The following DPY19L2 variants were observed in gnomAD, a reference collection of about 807,000 sequenced individuals.
DPY19L2 encodes probable C-mannosyltransferase DPY19L2.
Under a neutral mutation model 97.9 loss-of-function variants are expected in DPY19L2, and 34 were observed. The observed-to-expected ratio is 0.35, with a 90% CI of 0.26 to 0.46. The LOEUF (loss-of-function observed/expected upper bound fraction) is 0.46, where lower values mean the gene tolerates loss of function less well. Among genes scored for constraint, DPY19L2 ranks in the 20% least tolerant of loss-of-function variants. The probability of loss-of-function intolerance (pLI) is 1.00; values close to 1 mark genes in which losing one functional copy is unlikely to be tolerated. For synonymous variants in DPY19L2, 230 were observed against 307.9 expected, an observed-to-expected ratio of 0.75 and a Z score of 2.65; for missense variants, 623 against 911.4, an observed-to-expected ratio of 0.68 and a Z score of 4.07.
intron 12 of DPY19L2, among the ~76,000 whole-genome samples, chr12:63,602,585 T>C (rs1301566547): frequency 3.3e-5 from 5 of 152,102 alleles, no homozygotes; most frequent in Non-Finnish European, 5.9e-5. Context: ...TCTGGTATGG[T>C]AAACTAACTC....
In DPY19L2 at chr12:63,668,157, G is replaced by C. The variant is rs749041153; in HGVS notation, c.237C>G (p.Leu79=). The C allele has an allele frequency of 1.9e-6, 3 of 1,613,890 alleles. No homozygotes were observed. The African/African-American group carries it at 4.0e-5, about 22-fold the overall frequency. Residue 79 remains leucine (L), a synonymous_variant, in exon 1 of 22, where the codon CTC becomes CTG. Transcript: ENST00000324472. The part of the protein sequence containing the change: ...ELEVVAKTFL[L]GPFQFVRNSL... ...AATTACGGACGAACTGGAAGGGGCCGAGAAGAAAGGTCTTGGCCACCACCT... is the reference window on the plus strand; with the variant it reads ...AATTACGGACGAACTGGAAGGGGCCCAGAAGAAAGGTCTTGGCCACCACCT...
At chr12:63,600,507 T>C in intron 12 of DPY19L2, 121 bp from the exon 13 acceptor site, 4 of 778,284 alleles carry the variant, frequency 5.1e-6, no homozygotes, top group Non-Finnish European at 8.3e-6. Flanking sequence ...GGTGAAGTTT[T>C]TAAAAAAAGT....
intron 6 of DPY19L2, among the ~76,000 whole-genome samples, chr12:63,636,560 CA>C (rs1410161804): frequency 2.7e-5 from 4 of 149,822 alleles, no homozygotes; most frequent in East Asian, 2.0e-4. Context: ...CACATAGGCT[CA>C]AAAAAAAGGG....
Position 63,559,224 on chromosome 12 carries a change from T to C in DPY19L2, c.*1288A>G, listed in dbSNP as rs761902399. ...TCTGTTATAAGATATTTTACAACTA[T>C]GAAAGTTGAAAAATAACTTTATTGG... is the stretch of plus-strand genomic sequence containing the variant. On this transcript the variant is annotated 3_prime_UTR_variant, in exon 22 of 22. Coordinates refer to ENST00000324472, the MANE Select transcript of DPY19L2 (RefSeq NM_173812.5). The C allele has an allele frequency of 6.6e-5, 10 of 152,204 alleles. No homozygotes were observed. The highest frequency in any genetic ancestry group is 1.3e-4 in the Non-Finnish European group (9 of 68,026). The allele number at this position is 152,204 out of a possible 1,614,324, so 9.4% of individuals were successfully genotyped here.
chr12:63,582,159 G>A (rs1881049255), intron 18 of DPY19L2, among the ~76,000 whole-genome samples: 1 of 151,836 alleles, frequency 6.6e-6, no homozygotes, highest in South Asian at 2.1e-4. Context: ...TTAACAGAGG[G>A]GAAATGTTTG....
At chr12:63,603,334 G>A (rs949850064) in intron 12 of DPY19L2, among the ~76,000 whole-genome samples, 4 of 152,074 alleles carry the variant, frequency 2.6e-5, no homozygotes, top group Non-Finnish European at 4.4e-5. Flanking sequence ...TACATTCTAG[G>A]ATTCCTTCTT....
chr12:63,631,315 C>T lies in DPY19L2; in HGVS notation c.804-4789G>A, dbSNP rs572342048. ...GGAAAGATCAACAAAACTGATACAC[C>T]GCTAGCAAGACAAAGAAGAAAAGAG... On this transcript the variant is annotated intron_variant, in intron 6 of 21. Coordinates refer to ENST00000324472, the MANE Select transcript of DPY19L2 (RefSeq NM_173812.5). Among the ~76,000 whole-genome samples the T allele has an allele frequency of 7.4e-3, 1,118 of 151,890 alleles. 22 individuals carry two copies. The highest frequency in any genetic ancestry group is 0.026 in the African/African-American group (1,058 of 41,426).
intron 6 of DPY19L2, among the ~76,000 whole-genome samples, chr12:63,628,230 G>C (rs770949846): frequency 1.3e-5 from 2 of 152,128 alleles, no homozygotes; most frequent in Non-Finnish European, 2.9e-5. Context: ...CAGGACAGTG[G>C]GTGCAGCGCA....
chr12:63,611,554 C>T (rs1887014019), intron 11 of DPY19L2, among the ~76,000 whole-genome samples: 1 of 151,526 alleles, frequency 6.6e-6, no homozygotes. Flanking sequence ...GAAGTGGTAA[C>T]AGAGAAAGAA....
At chr12:63,592,934 A>C (rs1388898857) in intron 16 of DPY19L2, among the ~76,000 whole-genome samples, 2 of 151,324 alleles carry the variant, frequency 1.3e-5, no homozygotes, top group Non-Finnish European at 3.0e-5. Flanking sequence ...AACTCAAACA[A>C]ATTTACAAGA....
At chr12:63,612,588 C>T in intron 11 of DPY19L2, among the ~76,000 whole-genome samples, 1 of 133,812 alleles carries the variant, frequency 7.5e-6, no homozygotes, top group East Asian at 2.2e-4. Flanking sequence ...AGTCAATGAC[C>T]TTGCTTTATA....
chr12:63,668,004 T>C, intron 1 of DPY19L2, 53 bp downstream of exon 1: 2 of 1,561,450 alleles, frequency 1.3e-6, no homozygotes, highest in South Asian at 2.4e-5. Flanking sequence ...CCTTCAAGAC[T>C]CAAGAAAAGC....
chr12:63,616,553 A>T (rs1249530676), intron 11 of DPY19L2, among the ~76,000 whole-genome samples: 2 of 152,064 alleles, frequency 1.3e-5, no homozygotes, highest in African/African-American at 4.8e-5. Context: ...GAGGTACAGG[A>T]GAATATTCTA....
At chr12:63,627,495 C>T (rs895573500) in intron 6 of DPY19L2, among the ~76,000 whole-genome samples, 10 of 152,022 alleles carry the variant, frequency 6.6e-5, no homozygotes, top group African/African-American at 2.4e-4. Flanking sequence ...GGATTACAGG[C>T]ACATGCCACC....
At chr12:63,628,603 C>T (rs11833909) in intron 6 of DPY19L2, among the ~76,000 whole-genome samples, 3 of 151,974 alleles carry the variant, frequency 2.0e-5, no homozygotes, top group Admixed American at 6.5e-5. Flanking sequence ...CACAGCTCAA[C>T]GAGGCCTCCC....
At chr12:63,591,776 T>C (rs1882967397) in intron 16 of DPY19L2, among the ~76,000 whole-genome samples, 1 of 150,480 alleles carries the variant, frequency 6.6e-6, no homozygotes, top group Admixed American at 6.6e-5. Flanking sequence ...ACCCCCTCTC[T>C]ACAAAAAAAT....
intron 12 of DPY19L2, among the ~76,000 whole-genome samples, chr12:63,605,878 G>T (rs545539341): frequency 3.3e-5 from 5 of 152,068 alleles, no homozygotes; most frequent in African/African-American, 1.2e-4. Flanking sequence ...TGCTGAAATT[G>T]CTTTGAATCT....
intron 16 of DPY19L2, among the ~76,000 whole-genome samples, chr12:63,589,657 T>C (rs1049325726): frequency 1.3e-5 from 2 of 151,996 alleles, no homozygotes; most frequent in Non-Finnish European, 2.9e-5. Flanking sequence ...TTCATGTTTT[T>C]CGTATAGGGA....
Position 63,614,851 on chromosome 12 carries a change from G to A in DPY19L2, c.1218+2453C>T, listed in dbSNP as rs142353815. Among the ~76,000 whole-genome samples the A allele has an allele frequency of 1.2e-4, 19 of 152,166 alleles. No individual in the cohort carries two copies. In the East Asian group the frequency reaches 3.7e-3, roughly 29 times the overall value. On this transcript the variant is annotated intron_variant, in intron 11 of 21. Coordinates refer to ENST00000324472, the MANE Select transcript of DPY19L2 (RefSeq NM_173812.5). ...TTTCCTAGCTCTGCCCACTAATAAG[G>A]CCTAGAAACAATGACCTACTCAGTA...
Sources: gnomAD v4.1 joint callset for allele counts (sites outside exome capture counted in the v4.1 genomes callset) on GRCh38, gnomAD v4.1.1 for gene constraint, MANE v1.5 for transcripts, NCBI Gene and HGNC (gene_info 2026-07-23, HGNC 2026-07-21) for gene names.